The following MRM1 variants were observed in gnomAD, a reference collection of about 807,000 sequenced individuals.
MRM1 encodes the protein rRNA methyltransferase 1, mitochondrial.
MRM1 carries 24 observed loss-of-function variants against 25.0 expected under a neutral mutation model. That is an observed-to-expected ratio of 0.96 (90% CI 0.69 to 1.35). MRM1 has a LOEUF of 1.35. Among genes scored for constraint, MRM1 ranks in the 40% most tolerant of loss-of-function variants. The probability of loss-of-function intolerance (pLI) is 0.00; values close to 1 mark genes in which losing one functional copy is unlikely to be tolerated. For missense variants in MRM1, 431 were observed against 464.1 expected, an observed-to-expected ratio of 0.93 and a Z score of 0.65; for synonymous variants, 188 against 199.2, an observed-to-expected ratio of 0.94 and a Z score of 0.47.
chr17:36,627,322 G>T, the MRM1 span, among the ~76,000 whole-genome samples: 2 of 152,342 alleles, frequency 1.3e-5, no homozygotes, highest in Middle Eastern at 3.4e-3. Context: ...TGGCCCAGCC[G>T]CCTGCAGGGC....
At chr17:36,605,089 G>A (rs1014315141) in intron 2 of MRM1, among the ~76,000 whole-genome samples, 15 of 151,376 alleles carry the variant, frequency 9.9e-5, no homozygotes, top group Admixed American at 7.9e-4. Flanking sequence ...GCAGTGAGCC[G>A]AGATCACAGC....
At chr17:36,607,648 C>T in intron 2 of MRM1, 22 bp from the exon 3 acceptor site, 1 of 1,600,574 alleles carries the variant, frequency 6.2e-7, no homozygotes. Flanking sequence ...AGAATTAGAA[C>T]ATATCTTCTT....
downstream of MRM1, among the ~76,000 whole-genome samples, chr17:36,613,896 C>T (rs2074991745): frequency 6.6e-6 from 1 of 152,068 alleles, no homozygotes; most frequent in Admixed American, 6.6e-5. Context: ...CTACCTTAGG[C>T]AAGTCACTTA....
the MRM1 span, among the ~76,000 whole-genome samples, chr17:36,630,949 A>C: frequency 1.3e-5 from 2 of 152,150 alleles, no homozygotes; most frequent in African/African-American, 4.8e-5. Context: ...TGGAGTAAAA[A>C]TCAGGCTGGC....
In MRM1 at chr17:36,602,129, CT is replaced by C. The variant is rs2074878835; in HGVS notation, c.320del (p.Leu107ArgfsTer17). 1 of 1,612,844 alleles carries C rather than the reference CT, an allele frequency of 6.2e-7. No homozygotes were observed. Among genetic ancestry groups the C allele is most frequent in the African/African-American group, 1.3e-5 (1 of 74,932 alleles). On this transcript the variant is annotated frameshift_variant, in exon 1 of 5. Coordinates refer to ENST00000614766, the MANE Select transcript of MRM1 (RefSeq NM_024864.5). LOFTEE classifies it high-confidence loss of function. The surrounding 1 kb of genome is among the most constrained non-coding windows in gnomAD (Gnocchi z 4.1). ...AGTTCTGCGGCCCAGACGGCAGAAA[CT>C]GGACACAATGTGCCGCTACCAGGTC... ...IPVLRPRRQK[L>X]DTMCRYQVHQ...
Position 36,608,463 on chromosome 17 carries a change from C to A in MRM1, c.*48C>A. 1 of 1,384,946 alleles carries A rather than the reference C, an allele frequency of 7.2e-7. No homozygotes were observed. The allele number at this position is 1,384,946 out of a possible 1,614,324, so 85.8% of individuals were successfully genotyped here. On this transcript the variant is annotated 3_prime_UTR_variant, in exon 5 of 5. Transcript: ENST00000614766. Reference sequence around the variant, plus strand: ...TGTGCTGGAGTCAGGGACGGCCGCACCTGCCTCCGCCGGCTCCAGTGTGCG... The same window carrying A: ...TGTGCTGGAGTCAGGGACGGCCGCAACTGCCTCCGCCGGCTCCAGTGTGCG...
downstream of MRM1, among the ~76,000 whole-genome samples, chr17:36,612,270 G>A (rs968055517): frequency 1.3e-5 from 2 of 152,174 alleles, no homozygotes; most frequent in African/African-American, 4.8e-5. Flanking sequence ...TCACTCCCTG[G>A]GCAGCAGGCT....
chr17:36,630,014 G>A, the MRM1 span, among the ~76,000 whole-genome samples: 2 of 152,182 alleles, frequency 1.3e-5, no homozygotes, highest in Admixed American at 6.5e-5. Flanking sequence ...AGGACCTAAA[G>A]GCCTCAGGTT....
the MRM1 span, among the ~76,000 whole-genome samples, chr17:36,614,073 GATGATGACGATGACA>G: frequency 1.3e-5 from 2 of 151,912 alleles, no homozygotes; most frequent in African/African-American, 4.8e-5. Flanking sequence ...TTTTCAATGC[GATGATGACGATGACA>G]ATGATGACGA....
chr17:36,619,733 C>T, the MRM1 span, among the ~76,000 whole-genome samples: 6 of 151,836 alleles, frequency 4.0e-5, no homozygotes, highest in East Asian at 3.9e-4. Context: ...ATTGCTGATC[C>T]GATTATAATT....
intron 2 of MRM1, 142 bp from the exon 3 acceptor site, chr17:36,607,528 T>G (rs1241249784): frequency 2.1e-6 from 2 of 963,878 alleles, no homozygotes; most frequent in Admixed American, 2.6e-5. Context: ...GAGGCTGAGG[T>G]GGGAGGATCA....
chr17:36,626,904 A>C, the MRM1 span, among the ~76,000 whole-genome samples: 50 of 152,234 alleles, frequency 3.3e-4, no homozygotes, highest in Non-Finnish European at 6.2e-4. Flanking sequence ...TAATTCTGTC[A>C]TTGTCACAGC....
downstream of MRM1, among the ~76,000 whole-genome samples, chr17:36,613,190 G>A (rs2074986957): frequency 6.6e-6 from 1 of 152,068 alleles, no homozygotes; most frequent in South Asian, 2.1e-4. Flanking sequence ...AGGCTAAATT[G>A]TCAATCCCCC....
At chr17:36,616,811 G>A in the MRM1 span, among the ~76,000 whole-genome samples, 1 of 151,836 alleles carries the variant, frequency 6.6e-6, no homozygotes. Flanking sequence ...GCTCACTGCA[G>A]CCTCCAACTC....
At chr17:36,631,839 C>A in the MRM1 span, among the ~76,000 whole-genome samples, 1 of 152,158 alleles carries the variant, frequency 6.6e-6, no homozygotes, top group Non-Finnish European at 1.5e-5. Context: ...ATGGGATCAA[C>A]CCTTCCCCCT....
chr17:36,607,884 C>T lies in MRM1; in HGVS notation c.770-15C>T. On this transcript the variant is annotated splice_polypyrimidine_tract_variant and intron_variant, in intron 3 of 4. Coordinates refer to ENST00000614766, the MANE Select transcript of MRM1 (RefSeq NM_024864.5). ...CCAGCTGGGCAACCCTAACCCTCAG[C>T]CCCACGCCCTGCAGGGAATGAGGGC... The T allele has an allele frequency of 6.2e-7, 1 of 1,613,292 alleles. No individual in the cohort carries two copies. The highest frequency in any genetic ancestry group is 8.5e-7 in the Non-Finnish European group (1 of 1,179,476).
Position 36,608,673 on chromosome 17 carries a change from T to G in MRM1, c.*258T>G. On this transcript the variant is annotated 3_prime_UTR_variant, in exon 5 of 5. Coordinates refer to ENST00000614766, the MANE Select transcript of MRM1 (RefSeq NM_024864.5). ...GATGGCCTAGCATGGAGGGAATCTG[T>G]TCCCAGGCCCTGCCTGGAAGTTGAG... The G allele has an allele frequency of 7.8e-6, 3 of 385,030 alleles. No homozygotes were observed. Among genetic ancestry groups the G allele is most frequent in the Middle Eastern group, 6.6e-4 (1 of 1,514 alleles). The allele number at this position is 385,030 out of a possible 1,614,324, so 23.9% of individuals were successfully genotyped here. A position where few individuals can be genotyped will look rare whatever the true frequency, so the allele number is the denominator to read the frequency against.
the MRM1 span, among the ~76,000 whole-genome samples, chr17:36,631,957 G>C: frequency 6.6e-6 from 1 of 152,106 alleles, no homozygotes; most frequent in Non-Finnish European, 1.5e-5. Context: ...CCCCTTTCCT[G>C]TTAGTCTTAA....
the MRM1 span, among the ~76,000 whole-genome samples, chr17:36,615,744 C>T: frequency 0.011 from 1,675 of 151,788 alleles, 16 homozygotes; most frequent in Middle Eastern, 0.028. Context: ...GCCTGTAATC[C>T]CAGTACTTTG....
Sources: allele counts gnomAD v4.1 joint callset (sites outside exome capture counted in the v4.1 genomes callset), GRCh38; gene constraint gnomAD v4.1.1; non-coding constraint Gnocchi (gnomAD v3.1); transcripts MANE v1.5; gene names NCBI Gene and HGNC (gene_info 2026-07-23, HGNC 2026-07-21).